Variants in FAM227B observed in about 807,000 individuals in gnomAD.
FAM227B encodes protein FAM227B.
FAM227B carries 88 observed loss-of-function variants against 73.8 expected under a neutral mutation model. The observed-to-expected ratio is 1.19, with a 90% CI of 1.00 to 1.42. The LOEUF is 1.42. FAM227B is among the 40% of genes most tolerant of loss of function. The pLI is 0.00. For missense variants in FAM227B, 632 were observed against 590.9 expected, an observed-to-expected ratio of 1.07 and a Z score of -0.72; for synonymous variants, 210 against 190.5, an observed-to-expected ratio of 1.10 and a Z score of -0.84.
chr15:49,495,184 TG>T (rs1237597636), intron 11 of FAM227B, among the ~76,000 whole-genome samples: 3 of 152,108 alleles, frequency 2.0e-5, no homozygotes, highest in Non-Finnish European at 4.4e-5. Flanking sequence ...CCAATATATC[TG>T]GGGGAGGTAT....
chr15:49,579,571 G>A (rs1053378793), intron 5 of FAM227B, among the ~76,000 whole-genome samples: 20 of 152,198 alleles, frequency 1.3e-4, no homozygotes, highest in African/African-American at 4.8e-4. Context: ...TTACTCATAT[G>A]TGGGAACTTA....
chr15:49,602,047 T>C (rs1427076718), intron 3 of FAM227B, among the ~76,000 whole-genome samples: 2 of 152,236 alleles, frequency 1.3e-5, no homozygotes, highest in African/African-American at 2.4e-5. Context: ...CATCAGCTCA[T>C]GGACACTTAA....
chr15:49,610,298 A>G (rs74012433), intron 3 of FAM227B, among the ~76,000 whole-genome samples: 9,454 of 151,872 alleles, frequency 0.062, 1,032 homozygotes, highest in African/African-American at 0.22. Context: ...AAATCAAAAT[A>G]GTTACAAAAA....
At chr15:49,393,886 C>T (rs1260508892) in intron 11 of FAM227B, among the ~76,000 whole-genome samples, 1 of 152,104 alleles carries the variant, frequency 6.6e-6, no homozygotes, top group Non-Finnish European at 1.5e-5. Flanking sequence ...ATCTAAGAAC[C>T]AATTTTATTT....
At chr15:49,572,192 T>C (rs976684638) in intron 8 of FAM227B, among the ~76,000 whole-genome samples, 7 of 152,110 alleles carry the variant, frequency 4.6e-5, no homozygotes, top group African/African-American at 1.7e-4. Context: ...TTTTGAATGT[T>C]GATTTTGTAT....
intron 11 of FAM227B, among the ~76,000 whole-genome samples, chr15:49,411,469 A>T (rs1470094053): frequency 6.6e-6 from 1 of 152,100 alleles, no homozygotes; most frequent in East Asian, 1.9e-4. Flanking sequence ...TTCTGGTTTC[A>T]TATTTGATGA....
intron 3 of FAM227B, among the ~76,000 whole-genome samples, chr15:49,594,893 C>G (rs2076801686): frequency 6.6e-6 from 1 of 152,014 alleles, no homozygotes; most frequent in East Asian, 1.9e-4. Context: ...CTTAGTTTTG[C>G]TTTGGGCATG....
chr15:49,521,736 T>A (rs911266765), intron 10 of FAM227B, among the ~76,000 whole-genome samples: 2 of 152,112 alleles, frequency 1.3e-5, no homozygotes, highest in Non-Finnish European at 2.9e-5. Flanking sequence ...CCTAGTCACA[T>A]CGTGGTCTCC....
At chr15:49,556,583 T>A (rs890495600) in intron 9 of FAM227B, among the ~76,000 whole-genome samples, 9 of 152,180 alleles carry the variant, frequency 5.9e-5, no homozygotes, top group African/African-American at 1.9e-4. Flanking sequence ...AGCTTTAATG[T>A]AGGCCCCCGG....
rs551857948 is a variant in FAM227B, at chr15:49,498,524, T to G, written c.1012+9687A>C. ...AATTAAAAGAAACAGCCACTATAAC[T>G]TGGCCCTTGCTCCCACAGCTTAGAC... On this transcript the variant is annotated intron_variant, in intron 11 of 15. Coordinates refer to ENST00000299338, the MANE Select transcript of FAM227B (RefSeq NM_152647.3). Among the ~76,000 whole-genome samples the G allele has an allele frequency of 3.5e-4, 53 of 152,356 alleles. No individual in the cohort carries two copies. In the South Asian group the frequency reaches 3.7e-3, roughly 11 times the overall value.
At chr15:49,480,763 G>A (rs1365108376) in intron 11 of FAM227B, among the ~76,000 whole-genome samples, 1 of 152,130 alleles carries the variant, frequency 6.6e-6, no homozygotes, top group African/African-American at 2.4e-5. Context: ...GATTACAGGT[G>A]TGAGCTACCA....
intron 2 of FAM227B, among the ~76,000 whole-genome samples, chr15:49,613,061 G>A (rs970321517): frequency 2.0e-5 from 3 of 152,044 alleles, no homozygotes; most frequent in Non-Finnish European, 4.4e-5. Context: ...CAAAAATATA[G>A]GTTAGGGTCA....
At chr15:49,378,711 A>C (rs1408202963) in intron 11 of FAM227B, among the ~76,000 whole-genome samples, 1 of 152,052 alleles carries the variant, frequency 6.6e-6, no homozygotes, top group African/African-American at 2.4e-5. Flanking sequence ...TGGAGTCTTT[A>C]GGTTTTTCCA....
intron 10 of FAM227B, among the ~76,000 whole-genome samples, chr15:49,512,542 T>G (rs1411089756): frequency 1.3e-5 from 2 of 152,134 alleles, no homozygotes; most frequent in African/African-American, 4.8e-5. Flanking sequence ...TCATACGAAT[T>G]CTTCGATAAG....
At chr15:49,549,422 T>C (rs1423672131) in intron 9 of FAM227B, among the ~76,000 whole-genome samples, 1 of 151,960 alleles carries the variant, frequency 6.6e-6, no homozygotes, top group East Asian at 1.9e-4. Flanking sequence ...GGTCAGCAGA[T>C]AAACAAGTGA....
At chr15:49,547,889 C>T (rs372864625) in intron 9 of FAM227B, among the ~76,000 whole-genome samples, 1 of 152,192 alleles carries the variant, frequency 6.6e-6, no homozygotes, top group South Asian at 2.1e-4. Context: ...GACTTCAATA[C>T]TCCACTGACG....
chr15:49,503,634 G>A (rs199562709), intron 11 of FAM227B, among the ~76,000 whole-genome samples: 3 of 151,972 alleles, frequency 2.0e-5, no homozygotes, highest in Admixed American at 6.6e-5. Context: ...CAGACACTTC[G>A]CAAAAGAAGA....
intron 11 of FAM227B, among the ~76,000 whole-genome samples, chr15:49,384,119 T>A (rs1163765870): frequency 6.6e-6 from 1 of 152,104 alleles, no homozygotes; most frequent in Non-Finnish European, 1.5e-5. Flanking sequence ...AAGGTAGGAC[T>A]TCTCTTTAGG....
At chr15:49,601,114 C>A (rs920597999) in intron 3 of FAM227B, among the ~76,000 whole-genome samples, 39 of 148,278 alleles carry the variant, frequency 2.6e-4, no homozygotes, top group African/African-American at 9.1e-4. Context: ...TAGGTTGGAG[C>A]AACAGTAATT....
Sources: gnomAD v4.1 joint callset for allele counts (sites outside exome capture counted in the v4.1 genomes callset) on GRCh38, gnomAD v4.1.1 for gene constraint, MANE v1.5 for transcripts, NCBI Gene and HGNC (gene_info 2026-07-23, HGNC 2026-07-21) for gene names.